The following KCNH1 variants were observed in gnomAD, a reference collection of about 807,000 sequenced individuals.
KCNH1 encodes voltage-gated delayed rectifier potassium channel KCNH1.
KCNH1 carries 27 observed loss-of-function variants against 69.2 expected under a neutral mutation model. The observed-to-expected ratio is 0.39, with a 90% CI of 0.29 to 0.54. The LOEUF (loss-of-function observed/expected upper bound fraction) is 0.54, where lower values mean the gene tolerates loss of function less well. Among genes scored for constraint, KCNH1 ranks in the 20% least tolerant of loss-of-function variants. The pLI is 0.68. For synonymous variants in KCNH1, 456 were observed against 487.7 expected (o/e 0.93, Z 0.86); for missense variants, 798 against 1,261.6 (o/e 0.63, Z 5.57).
intron 10 of KCNH1, among the ~76,000 whole-genome samples, chr1:210,709,329 G>A (rs1025562468): frequency 4.6e-5 from 7 of 152,262 alleles, no homozygotes; most frequent in Admixed American, 1.3e-4. Context: ...GGGGTGATGC[G>A]GCAGAAGCCA....
In KCNH1 at chr1:210,856,791, A is replaced by ATT. The variant is rs1226517067; in HGVS notation, c.1463-52626_1463-52625insAA. On this transcript the variant is annotated intron_variant, in intron 7 of 10. Coordinates refer to ENST00000271751, the MANE Select transcript of KCNH1 (RefSeq NM_172362.3). The stretch of plus-strand genomic sequence containing the variant: ...TTATATATATATGTTATATATATAT[A>ATT]TATTTATATTTATATATATATTATA... Among the ~76,000 whole-genome samples, 874 of 131,744 alleles carry ATT rather than the reference A, an allele frequency of 6.6e-3. 12 individuals are homozygous for ATT. Among genetic ancestry groups the ATT allele is most frequent in the South Asian group, 0.039 (170 of 4,378 alleles). The allele number at this position is 131,744 out of a possible 152,430, so 86.4% of individuals were successfully genotyped here.
At chr1:211,054,199 T>C (rs1291588303) in intron 5 of KCNH1, among the ~76,000 whole-genome samples, 2 of 152,048 alleles carry the variant, frequency 1.3e-5, no homozygotes, top group African/African-American at 4.8e-5. Flanking sequence ...AGAGAATCTC[T>C]TGAACCTGGG....
chr1:210,714,645 C>T (rs577561093), intron 10 of KCNH1, among the ~76,000 whole-genome samples: 3 of 152,222 alleles, frequency 2.0e-5, no homozygotes, highest in South Asian at 2.1e-4. Context: ...TAACCCATGG[C>T]GCTTGTGTGC....
In KCNH1 at chr1:211,090,561, C is replaced by A; in HGVS notation, c.439+1G>T. On this transcript the variant is annotated splice_donor_variant, in intron 4 of 10. Transcript: ENST00000271751. LOFTEE classifies it high-confidence loss of function. The stretch of plus-strand genomic sequence containing the variant: ...TATTTGTACAAGTCAGAATTACAAA[C>A]CTTTACATGAATCATCCTCAATTGG... The A allele has an allele frequency of 6.3e-7, 1 of 1,598,422 alleles. No homozygotes were observed. Among genetic ancestry groups the A allele is most frequent in the African/African-American group, 1.4e-5 (1 of 73,976 alleles).
At chr1:210,817,031 G>A (rs1337941586) in intron 7 of KCNH1, among the ~76,000 whole-genome samples, 1 of 152,148 alleles carries the variant, frequency 6.6e-6, no homozygotes, top group Non-Finnish European at 1.5e-5. Flanking sequence ...TCTAGCATTT[G>A]TTGATTTTCC....
chr1:211,070,694 G>C (rs1690626214), intron 5 of KCNH1, among the ~76,000 whole-genome samples: 1 of 151,564 alleles, frequency 6.6e-6, no homozygotes, highest in African/African-American at 2.4e-5. Flanking sequence ...CATGGTGACG[G>C]GTGCCTGTAA....
At chr1:210,817,401 T>C (rs2102421828) in intron 7 of KCNH1, among the ~76,000 whole-genome samples, 1 of 152,330 alleles carries the variant, frequency 6.6e-6, no homozygotes, top group Non-Finnish European at 1.5e-5. Flanking sequence ...GCTCTTATCA[T>C]GTATGAGTCA....
At chr1:211,067,043 C>T (rs955424860) in intron 5 of KCNH1, among the ~76,000 whole-genome samples, 17 of 152,208 alleles carry the variant, frequency 1.1e-4, no homozygotes, top group Admixed American at 1.0e-3. Flanking sequence ...AAGATGGTGT[C>T]CCTTCCACAT....
At chr1:211,007,678 T>C (rs556966157) in intron 6 of KCNH1, among the ~76,000 whole-genome samples, 2 of 152,340 alleles carry the variant, frequency 1.3e-5, no homozygotes, top group Admixed American at 6.5e-5. Flanking sequence ...CAGCAGATCA[T>C]TCCTCCTTTG....
chr1:211,031,057 A>C (rs1302312230), intron 5 of KCNH1, among the ~76,000 whole-genome samples: 1 of 151,964 alleles, frequency 6.6e-6, no homozygotes, highest in Non-Finnish European at 1.5e-5. Context: ...CACACCTATT[A>C]AAATGGCTAA....
chr1:210,884,218 GC>G lies in KCNH1; in HGVS notation c.1462+35421del, dbSNP rs1686555016. Among the ~76,000 whole-genome samples the G allele has an allele frequency of 2.6e-5, 4 of 152,230 alleles. No individual in the cohort carries two copies. The South Asian group carries it at 8.3e-4, about 32-fold the overall frequency. On this transcript the variant is annotated intron_variant, in intron 7 of 10. Coordinates refer to ENST00000271751, the MANE Select transcript of KCNH1 (RefSeq NM_172362.3). ...CACTCTAATGCCAAGAACAAACTAA[GC>G]CCCACCACAGGCATCTTTGGCTTCA...
chr1:211,047,914 A>G (rs1214132119), intron 5 of KCNH1, among the ~76,000 whole-genome samples: 1 of 152,188 alleles, frequency 6.6e-6, no homozygotes, highest in Non-Finnish European at 1.5e-5. Flanking sequence ...CAATACTCAG[A>G]AGAGAATATA....
At chr1:210,997,642 G>A (rs534392026) in intron 6 of KCNH1, among the ~76,000 whole-genome samples, 75 of 152,196 alleles carry the variant, frequency 4.9e-4, no homozygotes, top group African/African-American at 1.8e-3. Flanking sequence ...CCAACATGCA[G>A]ATTCAGGAAA....
intron 9 of KCNH1, among the ~76,000 whole-genome samples, chr1:210,792,786 G>C (rs1189973412): frequency 1.3e-5 from 2 of 151,816 alleles, no homozygotes; most frequent in African/African-American, 4.8e-5. Context: ...ATTACTAAGG[G>C]GACACTAAAT....
Position 210,971,474 on chromosome 1 carries a change from G to C in KCNH1, c.1032+47309C>G, listed in dbSNP as rs556988437. On this transcript the variant is annotated intron_variant, in intron 6 of 10. Transcript: ENST00000271751. ...ATTATATGAACTTAAAATCAAATTA[G>C]TTACATCAAAATCCAAGGTAATAAA... Among the ~76,000 whole-genome samples, 22 of 152,184 alleles carry C rather than the reference G, an allele frequency of 1.4e-4. No homozygotes were observed. The South Asian group carries it at 4.4e-3, about 30-fold the overall frequency.
chr1:211,005,463 A>G (rs1689262760), intron 6 of KCNH1, among the ~76,000 whole-genome samples: 2 of 152,170 alleles, frequency 1.3e-5, no homozygotes, highest in African/African-American at 4.8e-5. Context: ...CCAGGCCTAT[A>G]AAGACACTAA....
chr1:211,078,877 C>T (rs1690789042), intron 5 of KCNH1, among the ~76,000 whole-genome samples: 1 of 139,926 alleles, frequency 7.1e-6, no homozygotes, highest in South Asian at 2.3e-4. Flanking sequence ...GAGATCACAC[C>T]ACTGCACTCC....
At chr1:210,915,126 C>A (rs1385385273) in intron 7 of KCNH1, among the ~76,000 whole-genome samples, 1 of 152,160 alleles carries the variant, frequency 6.6e-6, no homozygotes, top group Non-Finnish European at 1.5e-5. Flanking sequence ...AGGACTCTTC[C>A]CCTGACAATT....
intron 10 of KCNH1, among the ~76,000 whole-genome samples, chr1:210,761,249 CAAAAAAAAAAAAA>C (rs58988658): frequency 2.7e-5 from 1 of 37,090 alleles, no homozygotes; most frequent in African/African-American, 1.1e-4. Context: ...GAGACTCCGT[CAAAAAAAAAAAAA>C]AAAAAAAAAA....
Sources: allele counts gnomAD v4.1 joint callset (sites outside exome capture counted in the v4.1 genomes callset), GRCh38; gene constraint gnomAD v4.1.1; transcripts MANE v1.5; gene names NCBI Gene and HGNC (gene_info 2026-07-23, HGNC 2026-07-21).